Variants in SCN11A observed in about 807,000 individuals in gnomAD.
SCN11A encodes the protein sodium voltage-gated channel alpha subunit 11, also known as sodium channel protein type 11 subunit alpha.
A neutral mutation model predicts 162.2 loss-of-function variants in SCN11A; 122 were observed. The observed-to-expected ratio is 0.75, with a 90% CI of 0.65 to 0.87. The LOEUF is 0.87. Among genes scored for constraint, SCN11A ranks in the 40% least tolerant of loss-of-function variants. The pLI is 0.00. For synonymous variants in SCN11A, 758 were observed against 751.5 expected, an observed-to-expected ratio of 1.01 and a Z score of -0.14; for missense variants, 2,015 against 2,181.6, an observed-to-expected ratio of 0.92 and a Z score of 1.52.
intron 2 of SCN11A, among the ~76,000 whole-genome samples, chr3:39,009,425 C>CAT (rs1270994958): frequency 4.0e-5 from 6 of 150,206 alleles, no homozygotes; most frequent in Admixed American, 1.3e-4. Context: ...TATATATATA[C>CAT]ATATATATAT....
chr3:38,937,152 G>A (rs998214657), intron 7 of SCN11A, among the ~76,000 whole-genome samples: 79 of 152,072 alleles, frequency 5.2e-4, no homozygotes, highest in African/African-American at 1.8e-3. Context: ...ATGGTGCTGG[G>A]AAAACTGGCT....
At chr3:38,876,923 G>A (rs914195860) in intron 23 of SCN11A, among the ~76,000 whole-genome samples, 1 of 151,214 alleles carries the variant, frequency 6.6e-6, no homozygotes, top group African/African-American at 2.4e-5. Context: ...AGCACAATTC[G>A]CAATTGCAAA....
In SCN11A at chr3:39,041,968, GATTA is replaced by G. The variant is rs2032057885; in HGVS notation, c.-403-9469_-403-9466del. On this transcript the variant is annotated intron_variant, in intron 1 of 29. Coordinates refer to ENST00000302328, the MANE Select transcript of SCN11A (RefSeq NM_001349253.2). ...TTAAACAATATAGACTGGCTGAATG[GATTA>G]AAAAAACAAGACCCAGGCCGGCACA... is the stretch of plus-strand genomic sequence containing the variant. Among the ~76,000 whole-genome samples the G allele has an allele frequency of 3.3e-5, 5 of 152,140 alleles. No individual in the cohort carries two copies. In the South Asian group the frequency reaches 1.0e-3, roughly 32 times the overall value.
intron 3 of SCN11A, among the ~76,000 whole-genome samples, chr3:38,954,627 TAAAA>T (rs796404362): frequency 2.6e-5 from 4 of 151,196 alleles, no homozygotes; most frequent in African/African-American, 9.8e-5. Context: ...TTATAGATGA[TAAAA>T]AAACAAACAA....
At chr3:39,019,854 C>T (rs1232129291) in intron 2 of SCN11A, among the ~76,000 whole-genome samples, 2 of 152,154 alleles carry the variant, frequency 1.3e-5, no homozygotes, top group Non-Finnish European at 2.9e-5. Flanking sequence ...CTTTCATTGT[C>T]TCATCAGATA....
At chr3:38,955,700 C>T (rs1374713119) in intron 3 of SCN11A, among the ~76,000 whole-genome samples, 5 of 152,146 alleles carry the variant, frequency 3.3e-5, no homozygotes, top group African/African-American at 1.2e-4. Context: ...CAATTATTTT[C>T]CAAGTCCTGC....
Position 38,886,130 on chromosome 3 carries a change from G to C in SCN11A, c.2944C>G (p.Arg982Gly), listed in dbSNP as rs145290679. The change falls in exon 20 of 30, where the codon CGA (arginine) becomes GGA (glycine). Residue 982 changes from arginine to glycine, a missense_variant. By Grantham distance (125) the Arg-to-Gly change is moderately radical. Coordinates refer to ENST00000302328, the MANE Select transcript of SCN11A (RefSeq NM_001349253.2). Reference protein sequence around the residue: ...DEPHLTIQDPRKKSDVTSILS... With the variant: ...DEPHLTIQDPGKKSDVTSILS... Reference sequence around the variant, plus strand: ...CAACATCCTAGGAAAATTACCTTTCGGGGATCCTGTATGGTCAGATGAGGC... The same window carrying C: ...CAACATCCTAGGAAAATTACCTTTCCGGGATCCTGTATGGTCAGATGAGGC... 15 of 1,604,486 alleles carry C rather than the reference G, an allele frequency of 9.3e-6. No homozygotes were observed. Among genetic ancestry groups the C allele is most frequent in the Non-Finnish European group, 1.3e-5 (15 of 1,172,680 alleles).
chr3:38,974,523 G>A lies in SCN11A; in HGVS notation c.-279-14100C>T, dbSNP rs753446855. Reference sequence around the variant, plus strand: ...ATCCTGGCTAACACGGTGAAACCCCGTCTCTACTAAAAATACAAAAAATTA... The same window carrying A: ...ATCCTGGCTAACACGGTGAAACCCCATCTCTACTAAAAATACAAAAAATTA... On this transcript the variant is annotated intron_variant, in intron 2 of 29. Coordinates refer to ENST00000302328, the MANE Select transcript of SCN11A (RefSeq NM_001349253.2). 5.3e-5 allele frequency among the ~76,000 whole-genome samples: 8 copies of A among 151,614 alleles called. No individual in the cohort carries two copies. The South Asian group carries it at 6.2e-4, about 12-fold the overall frequency.
chr3:38,873,647 A>T (rs1377143834), intron 23 of SCN11A, among the ~76,000 whole-genome samples: 1 of 152,132 alleles, frequency 6.6e-6, no homozygotes, highest in African/African-American at 2.4e-5. Flanking sequence ...GTGAGAAGGG[A>T]TGTTCCTACA....
At chr3:38,992,586 C>T (rs1344909890) in intron 2 of SCN11A, among the ~76,000 whole-genome samples, 1 of 152,208 alleles carries the variant, frequency 6.6e-6, no homozygotes, top group African/African-American at 2.4e-5. Context: ...AAGGAAGAAT[C>T]CCTTATAGCT....
At chr3:39,009,736 G>A (rs1161675195) in intron 2 of SCN11A, among the ~76,000 whole-genome samples, 1 of 150,540 alleles carries the variant, frequency 6.6e-6, no homozygotes, top group East Asian at 1.9e-4. Flanking sequence ...GAGTGCAGTA[G>A]CATGATTATA....
At chr3:39,011,562 A>C (rs1382411898) in intron 2 of SCN11A, among the ~76,000 whole-genome samples, 1 of 152,218 alleles carries the variant, frequency 6.6e-6, no homozygotes, top group Non-Finnish European at 1.5e-5. Context: ...AACTCTGAAA[A>C]AGGACATATG....
At chr3:38,855,054 T>C (rs9876862) in intron 28 of SCN11A, among the ~76,000 whole-genome samples, 38,756 of 152,090 alleles carry the variant, frequency 0.25, 5,080 homozygotes, top group African/African-American at 0.3. Flanking sequence ...GCTGCTGACA[T>C]TGTGGGCAGA....
chr3:38,998,893 A>T (rs1325116680), intron 2 of SCN11A, among the ~76,000 whole-genome samples: 12 of 118,198 alleles, frequency 1.0e-4, no homozygotes, highest in African/African-American at 4.0e-4. Flanking sequence ...AACATCACAC[A>T]CCGGGGCCTG....
intron 19 of SCN11A, among the ~76,000 whole-genome samples, chr3:38,889,050 G>C (rs2065449776): frequency 1.3e-5 from 2 of 151,948 alleles, no homozygotes; most frequent in African/African-American, 2.4e-5. Flanking sequence ...CTTTTGAATG[G>C]AAAGGCACAT....
At chr3:38,863,553 G>A (rs548338228) in intron 27 of SCN11A, among the ~76,000 whole-genome samples, 57 of 151,924 alleles carry the variant, frequency 3.8e-4, no homozygotes, top group African/African-American at 1.3e-3. Flanking sequence ...ACAAATCTTC[G>A]CAAATATACA....
At chr3:38,896,500 C>A (rs1575260918) in intron 18 of SCN11A, among the ~76,000 whole-genome samples, 1 of 152,138 alleles carries the variant, frequency 6.6e-6, no homozygotes, top group African/African-American at 2.4e-5. Flanking sequence ...AAAGATTGTT[C>A]CCAAATTGCT....
intron 2 of SCN11A, among the ~76,000 whole-genome samples, chr3:38,973,351 T>A (rs1559561285): frequency 6.6e-6 from 1 of 152,098 alleles, no homozygotes; most frequent in Non-Finnish European, 1.5e-5. Flanking sequence ...AGGCTCACTG[T>A]CTCTTCTTGC....
intron 5 of SCN11A, 39 bp downstream of exon 5, chr3:38,950,057 A>ACCGCCCCCC: frequency 1.0e-5 from 1 of 100,342 alleles, no homozygotes; most frequent in Admixed American, 1.4e-4. Context: ...TGGTTAGAAC[A>ACCGCCCCCC]CCCCCACCCC....
Sources: gnomAD v4.1 joint callset for allele counts (sites outside exome capture counted in the v4.1 genomes callset) on GRCh38, gnomAD v4.1.1 for gene constraint, MANE v1.5 for transcripts, NCBI Gene and HGNC (gene_info 2026-07-23, HGNC 2026-07-21) for gene names.